DBF4: variants seen among roughly 807,000 people sequenced by gnomAD.
The protein encoded by DBF4 is protein DBF4 homolog A.
In DBF4, 25 loss-of-function variants were observed where a neutral mutation model predicts 76.6. The ratio of observed to expected loss-of-function variants is 0.33; its 90% CI spans 0.24 to 0.46. The LOEUF (loss-of-function observed/expected upper bound fraction) is 0.46. Among genes scored for constraint, DBF4 ranks in the 20% least tolerant of loss-of-function variants. The probability of loss-of-function intolerance (pLI) is 1.00; values close to 1 mark genes in which losing one functional copy is unlikely to be tolerated. For synonymous variants in DBF4, 213 were observed against 258.0 expected (o/e 0.83, Z 1.67); for missense variants, 638 against 760.8 (o/e 0.84, Z 1.90).
chr7:87,892,996 C>T (rs982635429), intron 6 of DBF4, among the ~76,000 whole-genome samples: 1 of 152,084 alleles, frequency 6.6e-6, no homozygotes. Context: ...GTATATTCTG[C>T]TGTGGTTGGG....
intron 2 of DBF4, among the ~76,000 whole-genome samples, chr7:87,879,266 A>G (rs1263627128): frequency 6.6e-6 from 1 of 152,164 alleles, no homozygotes; most frequent in Non-Finnish European, 1.5e-5. Flanking sequence ...CAGACTAGAA[A>G]CTTATCAGAA....
chr7:87,889,485 G>T (rs1282351983), intron 6 of DBF4, among the ~76,000 whole-genome samples: 4 of 151,902 alleles, frequency 2.6e-5, no homozygotes, highest in Non-Finnish European at 4.4e-5. Context: ...TCGCCATGTT[G>T]CCCAGGCTGG....
chr7:87,895,911 C>T (rs1210909266), intron 6 of DBF4, among the ~76,000 whole-genome samples: 1 of 152,198 alleles, frequency 6.6e-6, no homozygotes, highest in Non-Finnish European at 1.5e-5. Context: ...ATTCCTGGTT[C>T]TTCCTGCCAG....
At chr7:87,879,733 C>T (rs974553949) in intron 2 of DBF4, among the ~76,000 whole-genome samples, 18 of 152,082 alleles carry the variant, frequency 1.2e-4, no homozygotes, top group Non-Finnish European at 2.6e-4. Flanking sequence ...AGGTAGATGA[C>T]TTGAGGCCAG....
chr7:87,886,793 C>T lies in DBF4; in HGVS notation c.400-51C>T, dbSNP rs748519171. ...TTTCTTAGCTGCTTTACCTTTTTAA[C>T]CTGTTCTCCAGTTAAGCACTATGTT... On this transcript the variant is annotated intron_variant, in intron 3 of 11. Transcript: ENST00000265728. 3.6e-6 allele frequency: 4 copies of T among 1,109,488 alleles called. No homozygotes were observed. The South Asian group carries it at 5.4e-5, about 15-fold the overall frequency. The allele number at this position is 1,109,488 out of a possible 1,614,324, so 68.7% of individuals were successfully genotyped here. A position where few individuals can be genotyped will look rare whatever the true frequency, so the allele number is the denominator to read the frequency against.
Position 87,876,715 on chromosome 7 carries a change from AGGT to A in DBF4, c.-16_-14del. The A allele has an allele frequency of 6.2e-7, 1 of 1,613,976 alleles. No individual in the cohort carries two copies. The highest frequency in any genetic ancestry group is 8.5e-7 in the Non-Finnish European group (1 of 1,179,964). Reference sequence around the variant, plus strand: ...GACACTTTCTCCGGACCCAGCATGTAGGTGCCGGGCGACTGCCATGAACTCCGG... The same window carrying A: ...GACACTTTCTCCGGACCCAGCATGTAGCCGGGCGACTGCCATGAACTCCGG... On this transcript the variant is annotated 5_prime_UTR_variant, in exon 1 of 12. Coordinates refer to ENST00000265728, the MANE Select transcript of DBF4 (RefSeq NM_006716.4).
intron 4 of DBF4, 60 bp downstream of exon 4, chr7:87,886,954 A>G: frequency 9.0e-7 from 1 of 1,108,428 alleles, no homozygotes; most frequent in South Asian, 1.5e-5. Context: ...TCAACTGGAA[A>G]TTACAGATAT....
Position 87,900,346 on chromosome 7 carries a change from T to C in DBF4, c.806T>C (p.Leu269Pro), listed in dbSNP as rs760871415. 2.5e-6 allele frequency: 4 copies of C among 1,587,306 alleles called. No homozygotes were observed. The South Asian group carries it at 3.5e-5, about 14-fold the overall frequency. The change falls in exon 9 of 12, where the codon CTA becomes CCA. Residue 269 changes from leucine to proline, a missense_variant. Transcript: ENST00000265728. ...ATGCAAAAGCAAACTCAGGTTAAAC[T>C]AAGGTTGGTTTGAATCTTTACTTTT... ...SSMQKQTQVK[L>P]RIQTDGDKYG...
intron 7 of DBF4, 63 bp downstream of exon 7, chr7:87,896,573 T>C (rs1261097146): frequency 3.6e-6 from 5 of 1,391,432 alleles, no homozygotes; most frequent in African/African-American, 1.4e-5. Flanking sequence ...AAAGATCTTC[T>C]AAAATCATAT....
intron 2 of DBF4, among the ~76,000 whole-genome samples, chr7:87,880,589 T>C (rs754067778): frequency 3.3e-5 from 5 of 152,238 alleles, no homozygotes; most frequent in African/African-American, 4.8e-5. Context: ...GATTTTGTCA[T>C]AACGATCTTC....
intron 2 of DBF4, among the ~76,000 whole-genome samples, chr7:87,883,774 A>AT (rs1185428058): frequency 6.6e-6 from 1 of 152,224 alleles, no homozygotes; most frequent in Non-Finnish European, 1.5e-5. Flanking sequence ...GTGGGATCCT[A>AT]TAGAAAATAG....
At chr7:87,888,759 T>C (rs559041033) in intron 6 of DBF4, among the ~76,000 whole-genome samples, 6 of 152,238 alleles carry the variant, frequency 3.9e-5, no homozygotes, top group Non-Finnish European at 8.8e-5. Flanking sequence ...CTGACCAGTT[T>C]TCCAAATCAT....
intron 11 of DBF4, among the ~76,000 whole-genome samples, chr7:87,905,912 A>C (rs986637833): frequency 1.3e-5 from 2 of 152,026 alleles, no homozygotes; most frequent in South Asian, 4.1e-4. Flanking sequence ...CTGTGGTCCC[A>C]GCACTTCGAA....
chr7:87,902,954 C>T (rs948977091), intron 10 of DBF4, among the ~76,000 whole-genome samples: 2 of 152,196 alleles, frequency 1.3e-5, no homozygotes, highest in Non-Finnish European at 2.9e-5. Context: ...CCTCCCTGAT[C>T]AGCTGACAGA....
intron 2 of DBF4, 26 bp from the exon 3 acceptor site, chr7:87,884,953 A>G: frequency 6.4e-7 from 1 of 1,556,512 alleles, no homozygotes; most frequent in Non-Finnish European, 8.8e-7. Flanking sequence ...CAAATTTATA[A>G]ATAAAAATAC....
rs1427017509 is a variant in DBF4 at position 87,908,285 on chromosome 7, TTAAAAA to T, written c.*127_*132del. The T allele has an allele frequency of 4.0e-5, 42 of 1,047,404 alleles. No homozygotes were observed. In the East Asian group the frequency reaches 1.1e-3, roughly 28 times the overall value. The allele number at this position is 1,047,404 out of a possible 1,614,324, so 64.9% of individuals were successfully genotyped here. ...TTGTTTACAGACCCAAATGTAAATA[TTAAAAA>T]TAAATATTTGCAATTTTCTACAGAA... On this transcript the variant is annotated 3_prime_UTR_variant, in exon 12 of 12. Transcript: ENST00000265728.
intron 6 of DBF4, among the ~76,000 whole-genome samples, chr7:87,893,313 TC>T (rs1270593242): frequency 1.4e-5 from 2 of 147,654 alleles, no homozygotes; most frequent in Non-Finnish European, 3.0e-5. Context: ...TGGCGCAATC[TC>T]GGCTCACTGC....
In DBF4 at chr7:87,909,332, C is replaced by T. The variant is rs1460713480; in HGVS notation, c.*1169C>T. 6.6e-6 allele frequency: 1 copy of T among 152,174 alleles called. No individual in the cohort carries two copies. Among genetic ancestry groups the T allele is most frequent in the Non-Finnish European group, 1.5e-5 (1 of 68,026 alleles). 9.4% of individuals were successfully genotyped at this position (152,174 alleles called of 1,614,324 possible). A position where few individuals can be genotyped will look rare whatever the true frequency, so the allele number is the denominator to read the frequency against. On this transcript the variant is annotated 3_prime_UTR_variant, in exon 12 of 12. Coordinates refer to ENST00000265728, the MANE Select transcript of DBF4 (RefSeq NM_006716.4). ...CAGTGACATTCAATTGGTTCTATTGCATAGTACATGAATCTATTGTCACTA... is the reference window on the plus strand; with the variant it reads ...CAGTGACATTCAATTGGTTCTATTGTATAGTACATGAATCTATTGTCACTA...
intron 6 of DBF4, among the ~76,000 whole-genome samples, chr7:87,890,357 A>G (rs1251130194): frequency 6.6e-6 from 1 of 152,022 alleles, no homozygotes; most frequent in African/African-American, 2.4e-5. Context: ...ACATGGTGAA[A>G]CCCCCATCTC....
Sources: allele counts gnomAD v4.1 joint callset (sites outside exome capture counted in the v4.1 genomes callset), GRCh38; gene constraint gnomAD v4.1.1; transcripts MANE v1.5; gene names NCBI Gene and HGNC (gene_info 2026-07-23, HGNC 2026-07-21).